The following NCALD variants were observed in gnomAD, a reference collection of about 807,000 sequenced individuals.
NCALD encodes neurocalcin delta.
In NCALD, 10 loss-of-function variants were observed where a neutral mutation model predicts 18.6. That is an observed-to-expected ratio of 0.54 (90% CI 0.33 to 0.91). The LOEUF (loss-of-function observed/expected upper bound fraction) is 0.91. Among genes scored for constraint, NCALD ranks in the 40% least tolerant of loss-of-function variants. NCALD has a pLI of 0.03. For synonymous variants in NCALD, 88 were observed against 87.4 expected, an observed-to-expected ratio of 1.01 and a Z score of -0.04; for missense variants, 184 against 247.6, an observed-to-expected ratio of 0.74 and a Z score of 1.72.
intron 2 of NCALD, among the ~76,000 whole-genome samples, chr8:101,716,696 G>T (rs566724529): frequency 1.6e-4 from 24 of 152,242 alleles, no homozygotes; most frequent in Admixed American, 7.2e-4. Flanking sequence ...CTGTGAATAC[G>T]TTAACTTGCA....
chr8:101,936,906 T>G (rs1818784256), intron 2 of NCALD, among the ~76,000 whole-genome samples: 1 of 152,230 alleles, frequency 6.6e-6, no homozygotes, highest in Non-Finnish European at 1.5e-5. Flanking sequence ...GAAACTGAGT[T>G]TTAAAAATCT....
chr8:101,693,050 C>T, intron 2 of NCALD, 154 bp from the exon 3 acceptor site: 1 of 556,582 alleles, frequency 1.8e-6, no homozygotes, highest in Non-Finnish European at 3.2e-6. Flanking sequence ...TGTGGAGGCA[C>T]AGGTAGAAGA....
At chr8:102,036,382 G>A (rs1485647423) in intron 1 of NCALD, among the ~76,000 whole-genome samples, 1 of 151,610 alleles carries the variant, frequency 6.6e-6, no homozygotes, top group Non-Finnish European at 1.5e-5. Flanking sequence ...GTAAAAATAA[G>A]TAAAGTTCAG....
chr8:101,764,794 A>T (rs1811275688), intron 1 of NCALD, among the ~76,000 whole-genome samples: 1 of 152,228 alleles, frequency 6.6e-6, no homozygotes, highest in South Asian at 2.1e-4. Context: ...AGACATTAAC[A>T]TCTTTATCTT....
In NCALD at chr8:101,898,348, A is replaced by T. The variant is rs183016349; in HGVS notation, c.-106-11121T>A. Among the ~76,000 whole-genome samples, 4 of 152,272 alleles carry T rather than the reference A, an allele frequency of 2.6e-5. No individual in the cohort carries two copies. The East Asian group carries it at 7.7e-4, about 29-fold the overall frequency. On this transcript the variant is annotated intron_variant, in intron 3 of 6. Coordinates refer to the NCALD transcript ENST00000311028. Reference sequence around the variant, plus strand: ...CCATCCAAATATCATTTACAATAAGATATCTCTTTTGCCCATTCCCTCATT... The same window carrying T: ...CCATCCAAATATCATTTACAATAAGTTATCTCTTTTGCCCATTCCCTCATT...
At chr8:101,730,969 A>C (rs1816804390) in intron 1 of NCALD, among the ~76,000 whole-genome samples, 1 of 152,220 alleles carries the variant, frequency 6.6e-6, no homozygotes, top group Non-Finnish European at 1.5e-5. Context: ...AGAAGAGTAA[A>C]GAAGAGAAGG....
At chr8:101,840,340 C>T (rs779069182) in intron 4 of NCALD, among the ~76,000 whole-genome samples, 7 of 152,204 alleles carry the variant, frequency 4.6e-5, no homozygotes, top group Admixed American at 2.0e-4. Flanking sequence ...GAAGAGTCCA[C>T]TGCAAACTCT....
intron 4 of NCALD, among the ~76,000 whole-genome samples, chr8:101,804,363 AATTATAT>A (rs1254266112): frequency 1.5e-4 from 19 of 127,532 alleles, no homozygotes; most frequent in African/African-American, 5.4e-4. Flanking sequence ...TAATTATATC[AATTATAT>A]ATTATATGTT....
chr8:102,053,014 G>T (rs955874554), intron 1 of NCALD, among the ~76,000 whole-genome samples: 1 of 152,198 alleles, frequency 6.6e-6, no homozygotes, highest in Non-Finnish European at 1.5e-5. Flanking sequence ...GCCAGAGTTT[G>T]CCCTAAAAGA....
intron 4 of NCALD, among the ~76,000 whole-genome samples, chr8:101,877,581 G>A (rs1816279993): frequency 6.6e-6 from 1 of 152,174 alleles, no homozygotes; most frequent in South Asian, 2.1e-4. Flanking sequence ...TTTACCAGTG[G>A]AATTCTGGAA....
intron 1 of NCALD, among the ~76,000 whole-genome samples, chr8:102,046,338 T>C (rs1823238631): frequency 6.6e-6 from 1 of 152,218 alleles, no homozygotes; most frequent in Admixed American, 6.5e-5. Context: ...TTCATGCTCA[T>C]GTATGTACTC....
intron 1 of NCALD, among the ~76,000 whole-genome samples, chr8:102,105,397 T>C (rs1033149763): frequency 6.6e-6 from 1 of 152,114 alleles, no homozygotes; most frequent in Non-Finnish European, 1.5e-5. Flanking sequence ...CCAATGAAAC[T>C]AAGATAAACA....
chr8:101,909,284 A>G (rs1586738546), intron 3 of NCALD, among the ~76,000 whole-genome samples: 1 of 152,240 alleles, frequency 6.6e-6, no homozygotes, highest in Non-Finnish European at 1.5e-5. Flanking sequence ...GGTTCCACTC[A>G]TACTTTTCAG....
At chr8:101,870,481 T>G (rs866118535) in intron 4 of NCALD, among the ~76,000 whole-genome samples, 12 of 152,172 alleles carry the variant, frequency 7.9e-5, no homozygotes, top group African/African-American at 2.2e-4. Flanking sequence ...TAATCTTTTT[T>G]TTGTTGTTCT....
chr8:101,891,667 G>A (rs1391051359), intron 3 of NCALD, among the ~76,000 whole-genome samples: 6 of 152,234 alleles, frequency 3.9e-5, no homozygotes, highest in African/African-American at 1.2e-4. Context: ...CACCGAGTGC[G>A]AGCCGAAGCA....
chr8:102,082,263 C>T (rs145545670), intron 1 of NCALD, among the ~76,000 whole-genome samples: 21,098 of 108,642 alleles, frequency 0.19, 2,088 homozygotes, highest in African/African-American at 0.35. Context: ...GAGGGAGTCT[C>T]GCTCTGTCGC....
chr8:101,716,552 T>C (rs1200922927), intron 2 of NCALD, among the ~76,000 whole-genome samples: 1 of 152,304 alleles, frequency 6.6e-6, no homozygotes, highest in Non-Finnish European at 1.5e-5. Flanking sequence ...AATCTGCATA[T>C]GGTTTTGCTT....
At chr8:101,828,917 A>ATGGGTGGGTAGGTGGG (rs1191579641) in intron 4 of NCALD, among the ~76,000 whole-genome samples, 2 of 130,890 alleles carry the variant, frequency 1.5e-5, no homozygotes, top group East Asian at 2.7e-4. Context: ...TATTTGTAGT[A>ATGGGTGGGTAGGTGGG]TGGGTGGGTA....
chr8:101,971,368 C>A (rs540510181), intron 2 of NCALD, among the ~76,000 whole-genome samples: 2 of 151,928 alleles, frequency 1.3e-5, no homozygotes, highest in East Asian at 1.9e-4. Flanking sequence ...AATTGTAATC[C>A]CCATAATCCC....
Sources: gnomAD v4.1 joint callset for allele counts (sites outside exome capture counted in the v4.1 genomes callset) on GRCh38, gnomAD v4.1.1 for gene constraint, MANE v1.5 for transcripts, NCBI Gene and HGNC (gene_info 2026-07-23, HGNC 2026-07-21) for gene names.